Variants in MPP7 observed in about 807,000 individuals in gnomAD.
MPP7 encodes MAGUK p55 scaffold protein 7, also known as MAGUK p55 subfamily member 7.
Under a neutral mutation model 76.5 loss-of-function variants are expected in MPP7, and 60 were observed. The observed-to-expected ratio is 0.78, with a 90% confidence interval of 0.64 to 0.97. The LOEUF (loss-of-function observed/expected upper bound fraction) is 0.97, where lower values mean the gene tolerates loss of function less well. Among genes scored for constraint, MPP7 ranks in the 50% least tolerant of loss-of-function variants. The pLI is 0.00. For missense variants in MPP7, 641 were observed against 694.0 expected, an observed-to-expected ratio of 0.92 and a Z score of 0.86; for synonymous variants, 237 against 244.5, an observed-to-expected ratio of 0.97 and a Z score of 0.29.
intron 1 of MPP7, among the ~76,000 whole-genome samples, chr10:28,262,242 T>TATATATATATATAC: frequency 1.6e-5 from 1 of 63,698 alleles, no homozygotes; most frequent in Non-Finnish European, 2.5e-5. Context: ...TATATATATA[T>TATATATATATATAC]ACATATATAT....
intron 2 of MPP7, among the ~76,000 whole-genome samples, chr10:28,315,803 G>A (rs957879087): frequency 3.3e-5 from 5 of 152,106 alleles, no homozygotes; most frequent in Non-Finnish European, 7.4e-5. Flanking sequence ...GGGGCGGGGA[G>A]AGTAACTTTA....
At chr10:28,203,398 G>C (rs544675980) in intron 2 of MPP7, among the ~76,000 whole-genome samples, 1 of 150,858 alleles carries the variant, frequency 6.6e-6, no homozygotes, top group Admixed American at 6.6e-5. Context: ...AAAGGCATTA[G>C]GTACCATATT....
chr10:28,184,179 T>G (rs548428896), intron 3 of MPP7, among the ~76,000 whole-genome samples: 1 of 114,062 alleles, frequency 8.8e-6, no homozygotes, highest in South Asian at 2.6e-4. Flanking sequence ...AAGATCTATG[T>G]CTTTATATAT....
chr10:28,077,807 G>C (rs1267682047), intron 12 of MPP7, among the ~76,000 whole-genome samples: 4 of 152,176 alleles, frequency 2.6e-5, no homozygotes, highest in African/African-American at 9.7e-5. Context: ...ATGATAAAGC[G>C]AAGAAGAGAA....
At chr10:28,309,919 C>T (rs1480473310) in intron 2 of MPP7, among the ~76,000 whole-genome samples, 2 of 152,072 alleles carry the variant, frequency 1.3e-5, no homozygotes, top group Non-Finnish European at 1.5e-5. Flanking sequence ...AATAAAAGCT[C>T]CCGGAGGCCG....
intron 3 of MPP7, among the ~76,000 whole-genome samples, chr10:28,201,180 T>C (rs578198963): frequency 7.2e-5 from 11 of 152,272 alleles, no homozygotes; most frequent in African/African-American, 2.4e-4. Flanking sequence ...TATCAACACT[T>C]CCATTTCTTA....
chr10:28,109,015 C>T (rs929251319), intron 11 of MPP7, among the ~76,000 whole-genome samples: 1 of 151,890 alleles, frequency 6.6e-6, no homozygotes, highest in Non-Finnish European at 1.5e-5. Context: ...TGGCCAGTCT[C>T]GGTCGCTCAC....
intron 2 of MPP7, among the ~76,000 whole-genome samples, chr10:28,212,163 A>G (rs1838159981): frequency 6.6e-6 from 1 of 152,084 alleles, no homozygotes; most frequent in African/African-American, 2.4e-5. Context: ...CTGGCTGCTG[A>G]ATTGAGAACA....
At chr10:28,174,835 T>C (rs2133882448) in intron 3 of MPP7, among the ~76,000 whole-genome samples, 1 of 152,320 alleles carries the variant, frequency 6.6e-6, no homozygotes, top group South Asian at 2.1e-4. Context: ...GGTAAAAATG[T>C]CCATCGACAG....
chr10:28,292,619 TA>T (rs1220336498), intron 1 of MPP7, among the ~76,000 whole-genome samples: 2 of 152,224 alleles, frequency 1.3e-5, no homozygotes, highest in East Asian at 3.8e-4. Flanking sequence ...CAATGGGACA[TA>T]TTTTTTTAAA....
intron 1 of MPP7, among the ~76,000 whole-genome samples, chr10:28,245,661 A>AT (rs11372456): frequency 0.2 from 30,442 of 149,392 alleles, 3,528 homozygotes; most frequent in East Asian, 0.54. Context: ...CTTTTATCAC[A>AT]TTTTTTTTTT....
rs147920557 is a variant in MPP7, at chr10:28,221,459, T to C, written c.37+17109A>G. On this transcript the variant is annotated intron_variant, in intron 2 of 16. Transcript: ENST00000683449. ...GATGCATAAAGAACTGAATACAAGA[T>C]AAGAGTGGCACTTCAAATCAGTTAT... 4.1e-3 allele frequency among the ~76,000 whole-genome samples: 628 copies of C among 152,248 alleles called. 5 individuals carry two copies. The highest frequency in any genetic ancestry group is 0.014 in the African/African-American group (593 of 41,534).
At chr10:28,166,227 G>T (rs1006019036) in intron 3 of MPP7, among the ~76,000 whole-genome samples, 1 of 151,584 alleles carries the variant, frequency 6.6e-6, no homozygotes, top group African/African-American at 2.4e-5. Context: ...GAGCATGTAA[G>T]CATTTTGCAT....
At chr10:28,166,040 A>AAG in intron 3 of MPP7, among the ~76,000 whole-genome samples, 1 of 151,778 alleles carries the variant, frequency 6.6e-6, no homozygotes, top group Non-Finnish European at 1.5e-5. Flanking sequence ...AAAAAAAAAA[A>AAG]AAGAATTTAG....
At chr10:28,135,449 T>C (rs1185532112) in intron 5 of MPP7, among the ~76,000 whole-genome samples, 2 of 151,870 alleles carry the variant, frequency 1.3e-5, no homozygotes, top group Non-Finnish European at 2.9e-5. Flanking sequence ...TTTTTGATTG[T>C]CTTAATTTAA....
At chr10:28,165,549 A>G (rs1403895956) in intron 3 of MPP7, among the ~76,000 whole-genome samples, 1 of 151,828 alleles carries the variant, frequency 6.6e-6, no homozygotes, top group African/African-American at 2.4e-5. Context: ...AAAAAAAAAA[A>G]AAGAAAGAAG....
intron 3 of MPP7, among the ~76,000 whole-genome samples, chr10:28,173,281 T>C (rs1470656829): frequency 6.6e-6 from 1 of 151,010 alleles, no homozygotes; most frequent in African/African-American, 2.4e-5. Context: ...AGCAGATCCA[T>C]TATTACAGAT....
intron 1 of MPP7, among the ~76,000 whole-genome samples, chr10:28,331,470 C>G (rs1834469400): frequency 6.6e-6 from 1 of 152,250 alleles, no homozygotes; most frequent in South Asian, 2.1e-4. Flanking sequence ...AATTGTTGGT[C>G]TCGCTCATAA....
chr10:28,225,475 C>T (rs1404613821), intron 2 of MPP7, among the ~76,000 whole-genome samples: 1 of 152,092 alleles, frequency 6.6e-6, no homozygotes, highest in Non-Finnish European at 1.5e-5. Flanking sequence ...AACTCAACAA[C>T]AAAGACAATC....
Sources: allele counts gnomAD v4.1 joint callset (sites outside exome capture counted in the v4.1 genomes callset), GRCh38; gene constraint gnomAD v4.1.1; transcripts MANE v1.5; gene names NCBI Gene and HGNC (gene_info 2026-07-23, HGNC 2026-07-21).